The following WAPL variants were observed in gnomAD, a reference collection of about 807,000 sequenced individuals.
WAPL encodes wings apart-like protein homolog.
In WAPL, 5 loss-of-function variants were observed where a neutral mutation model predicts 121.0. The observed-to-expected ratio is 0.04, with a 90% CI of 0.02 to 0.09. WAPL has a LOEUF of 0.09. Among genes scored for constraint, WAPL ranks in the 10% least tolerant of loss-of-function variants. WAPL has a pLI of 1.00. For synonymous variants in WAPL, 480 were observed against 481.5 expected (o/e 1.00, Z 0.04); for missense variants, 999 against 1,410.8 (o/e 0.71, Z 4.68).
At chr10:86,461,381 AGTTT>A (rs1841270181) in intron 9 of WAPL, 94 bp from the exon 10 acceptor site, 1 of 864,518 alleles carries the variant, frequency 1.2e-6, no homozygotes, top group Non-Finnish European at 1.8e-6. Context: ...TGCTACATGT[AGTTT>A]AACACCACTT....
Position 86,437,936 on chromosome 10 carries a change from C to T in WAPL, c.3491G>A (p.Ser1164Asn). 6.2e-7 allele frequency: 1 copy of T among 1,613,060 alleles called. No homozygotes were observed. Among genetic ancestry groups the T allele is most frequent in the South Asian group, 1.1e-5 (1 of 90,990 alleles). The change falls in exon 18 of 19, where the codon AGT becomes AAT. Residue 1164 changes from serine (S) to asparagine (N), a missense_variant. Around this residue, in one of 7 missense-constraint regions of WAPL, gnomAD observed 35 missense variants for 80.3 expected, o/e 0.44. Transcript: ENST00000298767. ...GCTACTTACAGTGAGATTCATAAAA[C>T]TCAAAAATTTTTTGAGCATCTCTGT... ...IMTEMLKKFL[S>N]FMNLTCAVGT...
Position 86,472,589 on chromosome 10 carries a change from A to G in WAPL, c.1893+23T>C. ...ATACAAAAATCTATCAACATGCAGT[A>G]AACACTGTATATGGCTGCTTACTTC... On this transcript the variant is annotated intron_variant, in intron 6 of 18. Coordinates refer to ENST00000298767, the MANE Select transcript of WAPL (RefSeq NM_015045.5). The surrounding 1 kb of genome is among the most constrained non-coding windows in gnomAD (Gnocchi z 4.2). 6.2e-7 allele frequency: 1 copy of G among 1,606,250 alleles called. No homozygotes were observed.
rs1220734215 is a variant in WAPL, at chr10:86,436,145, A to ATTACAGCTG, written c.*1389_*1397dup. 6.6e-6 allele frequency: 1 copy of ATTACAGCTG among 152,662 alleles called. No individual in the cohort carries two copies. The highest frequency in any genetic ancestry group is 2.4e-5 in the African/African-American group (1 of 41,460). The allele number at this position is 152,662 out of a possible 1,614,324, so 9.5% of individuals were successfully genotyped here. A position where few individuals can be genotyped will look rare whatever the true frequency, so the allele number is the denominator to read the frequency against. ...GAAGGCAGCCACTGCATTTAAAAACATTACAGCTGGCACTGATACAAGAGC... is the reference window on the plus strand; with the variant it reads ...GAAGGCAGCCACTGCATTTAAAAACATTACAGCTGTTACAGCTGGCACTGATACAAGAGC... On this transcript the variant is annotated 3_prime_UTR_variant, in exon 19 of 19. Coordinates refer to ENST00000298767, the MANE Select transcript of WAPL (RefSeq NM_015045.5).
Position 86,497,239 on chromosome 10 carries a change from T to C in WAPL, c.1606A>G (p.Lys536Glu). 3.1e-6 allele frequency: 5 copies of C among 1,613,362 alleles called. No individual in the cohort carries two copies. Among genetic ancestry groups the C allele is most frequent in the Non-Finnish European group, 3.4e-6 (4 of 1,179,818 alleles). The change falls in exon 4 of 19, where the codon AAG becomes GAG. Residue 536 changes from lysine (K) to glutamate (E), a missense_variant. Physicochemically the swap from Lys to Glu is moderately conservative, Grantham distance 56. This residue lies in a region of WAPL where 74 missense variants were observed against 115.1 expected (regional missense o/e 0.64). Coordinates refer to ENST00000298767, the MANE Select transcript of WAPL (RefSeq NM_015045.5). The part of the protein sequence containing the change: ...KPINKQGDKS[K>E]ENTRKIFSGP... ...CTAAAAATCTTTCTGGTATTTTCCT[T>C]TGATTTATCTCCTTGTTTATTTATG...
chr10:86,466,570 A>C (rs1841401945), intron 9 of WAPL, among the ~76,000 whole-genome samples: 1 of 151,594 alleles, frequency 6.6e-6, no homozygotes, highest in African/African-American at 2.4e-5. Flanking sequence ...ACGCTATCTC[A>C]AAAAACAGTA....
At chr10:86,495,979 T>C (rs1842142358) in intron 4 of WAPL, among the ~76,000 whole-genome samples, 1 of 152,102 alleles carries the variant, frequency 6.6e-6, no homozygotes, top group Non-Finnish European at 1.5e-5. Context: ...CCAAGCATGG[T>C]GTCACATGCG....
Position 86,515,351 on chromosome 10 carries a change from G to A in WAPL, c.499+2220C>T, listed in dbSNP as rs73337708. Among the ~76,000 whole-genome samples the A allele has an allele frequency of 8.1e-3, 1,237 of 151,848 alleles. 19 individuals are homozygous for A. The highest frequency in any genetic ancestry group is 0.029 in the African/African-American group (1,195 of 41,416). On this transcript the variant is annotated intron_variant, in intron 2 of 18. Transcript: ENST00000298767. ...GCAGAGCCTTGTACAGTGGTTTGAC[G>A]GACAGTAGGTGCTCAATATGTTGAT...
chr10:86,466,406 C>A (rs1209107576), intron 9 of WAPL, among the ~76,000 whole-genome samples: 1 of 151,906 alleles, frequency 6.6e-6, no homozygotes, highest in African/African-American at 2.4e-5. Context: ...CCCATCTCTA[C>A]TAAAAATACA....
intron 3 of WAPL, 56 bp downstream of exon 3, chr10:86,499,662 A>G: frequency 6.6e-7 from 1 of 1,506,660 alleles, no homozygotes; most frequent in Non-Finnish European, 8.9e-7. Context: ...CAGAAAGTGA[A>G]ACTGCAGGTA....
chr10:86,438,027 G>T lies in WAPL; in HGVS notation c.3412-12C>A. ...GTGGTTACATTGATCTGAGGAAACA[G>T]AGCAAGAAATATTGGTCAGCTGGCA... On this transcript the variant is annotated splice_polypyrimidine_tract_variant and intron_variant, in intron 17 of 18. Coordinates refer to ENST00000298767, the MANE Select transcript of WAPL (RefSeq NM_015045.5). 1 of 1,599,134 alleles carries T rather than the reference G, an allele frequency of 6.3e-7. No individual in the cohort carries two copies. Among genetic ancestry groups the T allele is most frequent in the South Asian group, 1.1e-5 (1 of 89,916 alleles).
intron 15 of WAPL, among the ~76,000 whole-genome samples, chr10:86,451,654 A>T (rs1267470783): frequency 6.6e-6 from 1 of 152,196 alleles, no homozygotes; most frequent in Non-Finnish European, 1.5e-5. Context: ...CAGCCTCCCA[A>T]AGTGCTGGGA....
chr10:86,440,061 CACA>C (rs1452248969), intron 17 of WAPL, among the ~76,000 whole-genome samples: 1 of 152,140 alleles, frequency 6.6e-6, no homozygotes, highest in Non-Finnish European at 1.5e-5. Flanking sequence ...TCTATGAATT[CACA>C]ACATTTCCCA....
chr10:86,483,346 C>T (rs150304092), intron 4 of WAPL, among the ~76,000 whole-genome samples: 59 of 151,444 alleles, frequency 3.9e-4, no homozygotes, highest in Middle Eastern at 6.8e-3. Context: ...CTTGAACCTG[C>T]GAGGCGGAGG....
At chr10:86,451,815 T>A in intron 15 of WAPL, 152 bp downstream of exon 15, 1 of 746,452 alleles carries the variant, frequency 1.3e-6, no homozygotes, top group Middle Eastern at 3.7e-4. Context: ...AGAGACATGC[T>A]TCAGGAGTTC....
In WAPL at chr10:86,505,300, C is replaced by CTTTTTTTTTTTTTTTT. The variant is rs531404303; in HGVS notation, c.500-4573_500-4558dup. 8.9e-3 allele frequency among the ~76,000 whole-genome samples: 398 copies of CTTTTTTTTTTTTTTTT among 44,658 alleles called. 59 individuals carry two copies. The highest frequency in any genetic ancestry group is 0.012 in the Non-Finnish European group (291 of 24,354). 29.3% of individuals were successfully genotyped at this position (44,658 alleles called of 152,430 possible). A position where few individuals can be genotyped will look rare whatever the true frequency, so the allele number is the denominator to read the frequency against. On this transcript the variant is annotated intron_variant, in intron 2 of 18. Coordinates refer to ENST00000298767, the MANE Select transcript of WAPL (RefSeq NM_015045.5). ...CAAGCTTCAGCCACAGTGCCCAACT[C>CTTTTTTTTTTTTTTTT]TTTTTTTTTTTTTTTTTTTTTTTTT... is the stretch of plus-strand genomic sequence containing the variant.
Position 86,500,456 on chromosome 10 carries a change from T to C in WAPL, c.787A>G (p.Met263Val), listed in dbSNP as rs781489071. Reference protein sequence around the residue: ...LSLDSDPLLEMKDDDFKNRLE... With the variant: ...LSLDSDPLLEVKDDDFKNRLE... ...CGATTTTTAAAATCGTCATCCTTCA[T>C]CTCCAAAAGGGGATCACTATCCAAA... is the stretch of plus-strand genomic sequence containing the variant. Residue 263 changes from methionine (M) to valine (V), a missense_variant, in exon 3 of 19, where the codon ATG (methionine) becomes GTG (valine). Around this residue, in one of 7 missense-constraint regions of WAPL, gnomAD observed 531 missense variants for 563.1 expected, o/e 0.94. Coordinates refer to ENST00000298767, the MANE Select transcript of WAPL (RefSeq NM_015045.5). The C allele has an allele frequency of 7.4e-6, 12 of 1,614,174 alleles. No individual in the cohort carries two copies. The highest frequency in any genetic ancestry group is 1.0e-5 in the Non-Finnish European group (12 of 1,180,034).
At position 86,500,142 on chromosome 10, in the gene WAPL, T is replaced by C; in HGVS notation, c.1101A>G (p.Ser367=). The C allele has an allele frequency of 6.2e-7, 1 of 1,614,184 alleles. No individual in the cohort carries two copies. The highest frequency in any genetic ancestry group is 8.5e-7 in the Non-Finnish European group (1 of 1,180,020). ...TATCCTGTATGGTAACATTACAAACTGACAAGCAAGATGGATGTAAAACAG... is the reference window on the plus strand; with the variant it reads ...TATCCTGTATGGTAACATTACAAACCGACAAGCAAGATGGATGTAAAACAG... The part of the protein sequence containing the change: ...DYTVLHPSCL[S]VCNVTIQDTM... The change falls in exon 3 of 19, where the codon TCA becomes TCG. Residue 367 remains serine (S), a synonymous_variant. Coordinates refer to ENST00000298767, the MANE Select transcript of WAPL (RefSeq NM_015045.5).
intron 3 of WAPL, among the ~76,000 whole-genome samples, chr10:86,497,941 G>A (rs1842181234): frequency 1.3e-5 from 2 of 152,130 alleles, no homozygotes; most frequent in East Asian, 1.9e-4. Context: ...TTTTCTAAGC[G>A]AAACAAAATA....
At chr10:86,478,905 T>A (rs769775221) in intron 4 of WAPL, among the ~76,000 whole-genome samples, 23 of 152,066 alleles carry the variant, frequency 1.5e-4, no homozygotes, top group African/African-American at 4.1e-4. Flanking sequence ...GACCAGGCTG[T>A]CCAACATAGT....
Sources: gnomAD v4.1 joint callset for allele counts (sites outside exome capture counted in the v4.1 genomes callset) on GRCh38, gnomAD v4.1.1 for gene constraint, gnomAD v4.1.1 regional missense constraint, Gnocchi (gnomAD v3.1) non-coding constraint, MANE v1.5 for transcripts, NCBI Gene and HGNC (gene_info 2026-07-23, HGNC 2026-07-21) for gene names.